FRMD3: variants seen among roughly 807,000 people sequenced by gnomAD.
FRMD3 encodes FERM domain-containing protein 3.
In FRMD3, 33 loss-of-function variants were observed where a neutral mutation model predicts 70.2. The observed-to-expected ratio is 0.47, with a 90% CI of 0.36 to 0.63. The LOEUF is 0.63. Ranked by LOEUF, FRMD3 falls within the 20% of genes least tolerant of loss-of-function variation. The pLI is 0.00. For synonymous variants in FRMD3, 279 were observed against 255.9 expected, an observed-to-expected ratio of 1.09 and a Z score of -0.86; for missense variants, 632 against 711.4, an observed-to-expected ratio of 0.89 and a Z score of 1.27.
At chr9:83,463,908 T>C (rs1190408403) in intron 1 of FRMD3, among the ~76,000 whole-genome samples, 1 of 152,222 alleles carries the variant, frequency 6.6e-6, no homozygotes, top group East Asian at 1.9e-4. Flanking sequence ...TGTAGACACC[T>C]CTTCCTGGTC....
intron 13 of FRMD3, among the ~76,000 whole-genome samples, chr9:83,249,846 C>T (rs2118522389): frequency 6.6e-6 from 1 of 152,138 alleles, no homozygotes; most frequent in Non-Finnish European, 1.5e-5. Context: ...CTGCATATTG[C>T]CAGTGAAACT....
At chr9:83,298,217 T>G (rs1488029459) in intron 12 of FRMD3, among the ~76,000 whole-genome samples, 1 of 152,212 alleles carries the variant, frequency 6.6e-6, no homozygotes, top group Non-Finnish European at 1.5e-5. Context: ...TGTGGTAGTG[T>G]GAAGTCCAAC....
chr9:83,324,674 A>C (rs894731885), intron 6 of FRMD3, among the ~76,000 whole-genome samples: 9 of 152,230 alleles, frequency 5.9e-5, no homozygotes, highest in African/African-American at 2.2e-4. Flanking sequence ...CACAATTCCA[A>C]GCAGCATAAC....
chr9:83,286,268 G>C (rs969874228), intron 13 of FRMD3, among the ~76,000 whole-genome samples: 2 of 152,116 alleles, frequency 1.3e-5, no homozygotes, highest in African/African-American at 4.8e-5. Context: ...CACAGAAATA[G>C]AGATTCCATA....
At chr9:83,571,959 C>T in the FRMD3 span, among the ~76,000 whole-genome samples, 1 of 152,294 alleles carries the variant, frequency 6.6e-6, no homozygotes, top group South Asian at 2.1e-4. Flanking sequence ...GATTGCTGGG[C>T]CCACACCCAG....
chr9:83,310,970 A>G (rs1835328723), intron 8 of FRMD3, among the ~76,000 whole-genome samples: 1 of 152,232 alleles, frequency 6.6e-6, no homozygotes, highest in Non-Finnish European at 1.5e-5. Flanking sequence ...AAGCAAATCC[A>G]CTGCACTGCA....
At chr9:83,463,522 T>A (rs928376868) in intron 1 of FRMD3, among the ~76,000 whole-genome samples, 3 of 152,126 alleles carry the variant, frequency 2.0e-5, no homozygotes, top group Non-Finnish European at 4.4e-5. Flanking sequence ...CTCACTATCA[T>A]GAGAACAGTA....
intron 1 of FRMD3, among the ~76,000 whole-genome samples, chr9:83,509,931 T>C (rs1209127015): frequency 6.6e-6 from 1 of 152,132 alleles, no homozygotes; most frequent in Non-Finnish European, 1.5e-5. Context: ...CTTAGAAACT[T>C]TCATGACTTA....
chr9:83,371,433 C>T (rs575131241), intron 3 of FRMD3, among the ~76,000 whole-genome samples: 102 of 152,248 alleles, frequency 6.7e-4, no homozygotes, highest in Admixed American at 2.6e-3. Flanking sequence ...TCTCCTGCCT[C>T]AGCCTCCTGA....
chr9:83,515,017 G>A lies in FRMD3; in HGVS notation c.147+23068C>T, dbSNP rs534471452. Among the ~76,000 whole-genome samples, 9 of 152,262 alleles carry A rather than the reference G, an allele frequency of 5.9e-5. 1 individual carries two copies. Among genetic ancestry groups the A allele is most frequent in the Middle Eastern group, 6.8e-3 (2 of 294 alleles). On this transcript the variant is annotated intron_variant, in intron 1 of 13. Transcript: ENST00000304195. ...TCCATGAAGAAGAGGAAAAAACAGC[G>A]CAAAAAGGCTGAAAGTTCCAAAAAC...
intron 1 of FRMD3, among the ~76,000 whole-genome samples, chr9:83,509,413 C>T (rs1016328787): frequency 6.6e-6 from 1 of 152,052 alleles, no homozygotes; most frequent in African/African-American, 2.4e-5. Flanking sequence ...TAGCCACAGC[C>T]AAAAAGATGC....
intron 12 of FRMD3, chr9:83,297,546 A>G (rs1174091662): frequency 3.2e-6 from 1 of 308,882 alleles, no homozygotes; most frequent in African/African-American, 2.2e-5. Context: ...GAAACAGATG[A>G]ATGATATGTT....
chr9:83,298,718 A>T (rs899684653), intron 12 of FRMD3, 30 bp downstream of exon 12: 1 of 1,598,762 alleles, frequency 6.3e-7, no homozygotes, highest in African/African-American at 1.3e-5. Context: ...TTTTAAAGCC[A>T]CCTGGAACCC....
chr9:83,370,179 C>T (rs1233744960), intron 3 of FRMD3, among the ~76,000 whole-genome samples: 1 of 152,180 alleles, frequency 6.6e-6, no homozygotes, highest in African/African-American at 2.4e-5. Context: ...AAGGATGAAG[C>T]CACTGGGGCT....
chr9:83,502,624 C>T (rs1383666818), intron 1 of FRMD3, among the ~76,000 whole-genome samples: 1 of 152,056 alleles, frequency 6.6e-6, no homozygotes, highest in African/African-American at 2.4e-5. Context: ...AGGATGGTAC[C>T]CGGAAGCTTG....
intron 1 of FRMD3, among the ~76,000 whole-genome samples, chr9:83,479,740 A>AAAAG (rs1828512710): frequency 7.0e-5 from 1 of 14,298 alleles, no homozygotes; most frequent in African/African-American, 6.6e-4. Flanking sequence ...GGAAAGAAAG[A>AAAAG]AAAAGAAAAG....
rs1052503830 is a variant in FRMD3 at position 83,537,183 on chromosome 9, C to T, written c.147+902G>A. Among the ~76,000 whole-genome samples the T allele has an allele frequency of 6.6e-6, 1 of 152,054 alleles. No individual in the cohort carries two copies. The highest frequency in any genetic ancestry group is 1.5e-5 in the Non-Finnish European group (1 of 68,014). On this transcript the variant is annotated intron_variant, in intron 1 of 13. Transcript: ENST00000304195. The surrounding 1 kb of genome is among the most constrained non-coding windows in gnomAD (Gnocchi z 4.1). ...ATGCACACGCACGCGCAACCACATG[C>T]ACACACACACCTTTGCACCTCACAC... is the stretch of plus-strand genomic sequence containing the variant.
chr9:83,423,387 G>A (rs570773033), intron 1 of FRMD3, among the ~76,000 whole-genome samples: 2 of 152,114 alleles, frequency 1.3e-5, no homozygotes, highest in East Asian at 1.9e-4. Flanking sequence ...AACATGCGGT[G>A]GTAACCCTGG....
At chr9:83,255,300 T>C (rs1341322380) in intron 13 of FRMD3, among the ~76,000 whole-genome samples, 1 of 152,188 alleles carries the variant, frequency 6.6e-6, no homozygotes, top group African/African-American at 2.4e-5. Flanking sequence ...TCTCAATATA[T>C]GCAGTAAAGG....
Sources: gnomAD v4.1 joint callset for allele counts (sites outside exome capture counted in the v4.1 genomes callset) on GRCh38, gnomAD v4.1.1 for gene constraint, Gnocchi (gnomAD v3.1) non-coding constraint, MANE v1.5 for transcripts, NCBI Gene and HGNC (gene_info 2026-07-23, HGNC 2026-07-21) for gene names.